Variants in SERPINB12 observed in about 807,000 individuals in gnomAD.
SERPINB12 encodes the protein serpin B12.
SERPINB12 carries 57 observed loss-of-function variants against 41.1 expected under a neutral mutation model. The observed-to-expected ratio is 1.39, with a 90% CI of 1.12 to 1.73. The LOEUF (loss-of-function observed/expected upper bound fraction) is 1.73. SERPINB12 is among the 40% of genes most tolerant of loss of function. SERPINB12 has a pLI of 0.00. For synonymous variants in SERPINB12, 180 were observed against 181.3 expected (o/e 0.99, Z 0.06); for missense variants, 536 against 501.9 (o/e 1.07, Z -0.65).
chr18:63,554,460 T>G (rs1910610886), intron 1 of SERPINB12, among the ~76,000 whole-genome samples: 1 of 152,216 alleles, frequency 6.6e-6, no homozygotes, highest in African/African-American at 2.4e-5. Context: ...TAAAACAAAT[T>G]ACACCATTCC....
the SERPINB12 span, among the ~76,000 whole-genome samples, chr18:63,519,991 C>T: frequency 6.6e-6 from 1 of 152,124 alleles, no homozygotes; most frequent in African/African-American, 2.4e-5. Context: ...TTCTTAGCTC[C>T]CTGCCTATCT....
the SERPINB12 span, among the ~76,000 whole-genome samples, chr18:63,526,519 A>G: frequency 6.6e-6 from 1 of 152,354 alleles, no homozygotes; most frequent in African/African-American, 2.4e-5. Flanking sequence ...AGTAAAATAT[A>G]GTAAAATAAA....
intron 5 of SERPINB12, among the ~76,000 whole-genome samples, chr18:63,561,724 A>G (rs1345716986): frequency 1.3e-5 from 2 of 152,376 alleles, no homozygotes; most frequent in African/African-American, 4.8e-5. Flanking sequence ...AAAGAATGAA[A>G]TCATGTCCTT....
intron 1 of SERPINB12, among the ~76,000 whole-genome samples, chr18:63,546,147 A>T (rs73961710): frequency 2.0e-5 from 3 of 152,330 alleles, no homozygotes; most frequent in African/African-American, 7.2e-5. Context: ...CATGGTTCAG[A>T]TAATATTGTT....
chr18:63,520,063 T>A, the SERPINB12 span, among the ~76,000 whole-genome samples: 1 of 152,176 alleles, frequency 6.6e-6, no homozygotes, highest in Non-Finnish European at 1.5e-5. Context: ...CCCCTGGGAA[T>A]CTTCTGTAGT....
At chr18:63,542,739 C>G (rs549097113) in intron 1 of SERPINB12, among the ~76,000 whole-genome samples, 1 of 152,152 alleles carries the variant, frequency 6.6e-6, no homozygotes, top group African/African-American at 2.4e-5. Context: ...ATTTTGTCAC[C>G]CAGGTAATAA....
At chr18:63,554,787 C>G (rs1048681954) in intron 1 of SERPINB12, among the ~76,000 whole-genome samples, 2 of 152,158 alleles carry the variant, frequency 1.3e-5, no homozygotes, top group Non-Finnish European at 2.9e-5. Context: ...GGCTCTGTGT[C>G]CCTACTCAAA....
At position 63,543,971 on chromosome 18, in the gene SERPINB12, T is replaced by A. The variant is rs117137058; in HGVS notation, c.-19+1479T>A. 6.3e-4 allele frequency among the ~76,000 whole-genome samples: 96 copies of A among 152,324 alleles called. 2 individuals are homozygous for A. The East Asian group carries it at 0.017, about 27-fold the overall frequency. ...TGTTTCTTGTTAGCATATTACAATA[T>A]TTATTGTATGTAAATAGAGGTTATA... On this transcript the variant is annotated intron_variant, in intron 1 of 7. Coordinates refer to ENST00000382768, the MANE Select transcript of SERPINB12 (RefSeq NM_001307928.2).
At chr18:63,562,593 T>G (rs868357577) in intron 5 of SERPINB12, among the ~76,000 whole-genome samples, 2 of 152,220 alleles carry the variant, frequency 1.3e-5, no homozygotes, top group Non-Finnish European at 2.9e-5. Flanking sequence ...TACCCCTGCC[T>G]GCCTTTCCTT....
chr18:63,562,501 G>A (rs941363151), intron 5 of SERPINB12, among the ~76,000 whole-genome samples: 1 of 152,214 alleles, frequency 6.6e-6, no homozygotes, highest in South Asian at 2.1e-4. Context: ...TGGTACCAGA[G>A]TGACAGTTTC....
the SERPINB12 span, among the ~76,000 whole-genome samples, chr18:63,523,427 C>T: frequency 6.6e-6 from 1 of 152,090 alleles, no homozygotes; most frequent in Non-Finnish European, 1.5e-5. Flanking sequence ...TGATTGCTTC[C>T]GCATATGGGA....
chr18:63,522,186 C>G, the SERPINB12 span, among the ~76,000 whole-genome samples: 1 of 151,892 alleles, frequency 6.6e-6, no homozygotes, highest in Non-Finnish European at 1.5e-5. Flanking sequence ...ATTAAAAAAC[C>G]CCTTGAGGCT....
chr18:63,536,117 T>G, the SERPINB12 span, among the ~76,000 whole-genome samples: 1 of 151,882 alleles, frequency 6.6e-6, no homozygotes, highest in Admixed American at 6.6e-5. Context: ...ATAGTTCTTT[T>G]AAGTATTCCC....
intron 5 of SERPINB12, among the ~76,000 whole-genome samples, 194 bp downstream of exon 5, chr18:63,561,396 G>T (rs533014829): frequency 1.3e-5 from 2 of 152,248 alleles, no homozygotes. Context: ...GTTAAAAAAC[G>T]ACAGATTCTG....
At chr18:63,532,952 G>C in the SERPINB12 span, among the ~76,000 whole-genome samples, 1 of 151,958 alleles carries the variant, frequency 6.6e-6, no homozygotes, top group Non-Finnish European at 1.5e-5. Context: ...GTAAATCTTT[G>C]GTACCTAGTA....
At chr18:63,549,351 A>G (rs1252002384) in intron 1 of SERPINB12, among the ~76,000 whole-genome samples, 3 of 152,176 alleles carry the variant, frequency 2.0e-5, no homozygotes, top group Non-Finnish European at 4.4e-5. Context: ...ATTAGAAGTT[A>G]AATCGTGAAT....
Position 63,566,821 on chromosome 18 carries a change from A to C in SERPINB12, c.1088A>C (p.Lys363Thr). The change falls in exon 8 of 8, where the codon AAA (lysine) becomes ACA (threonine). Residue 363 changes from lysine to threonine, a missense_variant. Coordinates refer to ENST00000382768, the MANE Select transcript of SERPINB12 (RefSeq NM_001307928.2). Reference sequence around the variant, plus strand: ...CCAAGTCCCAATTTGTACTTGTCAAAAATTATCCACAAAACCTTTGTGGAG... The same window carrying C: ...CCAAGTCCCAATTTGTACTTGTCAACAATTATCCACAAAACCTTTGTGGAG... ...ISPSPNLYLS[K>T]IIHKTFVEVD... 1 of 1,614,146 alleles carries C rather than the reference A, an allele frequency of 6.2e-7. No homozygotes were observed. Among genetic ancestry groups the C allele is most frequent in the Non-Finnish European group, 8.5e-7 (1 of 1,180,002 alleles).
chr18:63,559,040 T>TTTTCTTTC (rs1555675619), intron 3 of SERPINB12, among the ~76,000 whole-genome samples: 11 of 27,690 alleles, frequency 4.0e-4, no homozygotes, highest in Non-Finnish European at 1.3e-3. Context: ...CTTTCTTTCT[T>TTTTCTTTC]TCTTTCTTTC....
intron 1 of SERPINB12, among the ~76,000 whole-genome samples, chr18:63,549,924 C>T (rs1910481905): frequency 1.3e-5 from 2 of 152,194 alleles, no homozygotes; most frequent in South Asian, 4.1e-4. Flanking sequence ...GCTTTGAAAT[C>T]ACACTGAAAG....
Sources: allele counts gnomAD v4.1 joint callset (sites outside exome capture counted in the v4.1 genomes callset), GRCh38; gene constraint gnomAD v4.1.1; transcripts MANE v1.5; gene names NCBI Gene and HGNC (gene_info 2026-07-23, HGNC 2026-07-21).